Variants in TOX observed in about 807,000 individuals in gnomAD.
The protein encoded by TOX is thymocyte selection-associated high mobility group box protein TOX.
A neutral mutation model predicts 53.7 loss-of-function variants in TOX; 11 were observed. The ratio of observed to expected loss-of-function variants is 0.20; its 90% CI spans 0.13 to 0.34. The LOEUF (loss-of-function observed/expected upper bound fraction) is 0.34. TOX is among the 10% of genes least tolerant of loss of function. The pLI is 1.00. For synonymous variants in TOX, 225 were observed against 245.3 expected (o/e 0.92, Z 0.77); for missense variants, 570 against 664.6 (o/e 0.86, Z 1.56).
chr8:58,891,154 A>T (rs913025849), intron 3 of TOX, among the ~76,000 whole-genome samples: 1 of 152,124 alleles, frequency 6.6e-6, no homozygotes, highest in Non-Finnish European at 1.5e-5. Context: ...TACGTGAGAC[A>T]CTAGCGATCT....
intron 1 of TOX, among the ~76,000 whole-genome samples, chr8:59,027,595 T>C (rs1814269322): frequency 1.3e-5 from 2 of 152,186 alleles, no homozygotes; most frequent in Admixed American, 6.6e-5. Context: ...TACAGATTTA[T>C]ATCTTTTCAT....
At chr8:59,030,681 C>G (rs892432787) in intron 1 of TOX, among the ~76,000 whole-genome samples, 1 of 152,078 alleles carries the variant, frequency 6.6e-6, no homozygotes, top group African/African-American at 2.4e-5. Context: ...GCTACTGGCT[C>G]CCGAGGTCAT....
At chr8:58,966,960 T>C (rs903366585) in intron 1 of TOX, among the ~76,000 whole-genome samples, 8 of 151,492 alleles carry the variant, frequency 5.3e-5, no homozygotes, top group Non-Finnish European at 1.0e-4. Flanking sequence ...CTGCAAGCTC[T>C]GCCTCCCGGG....
chr8:58,873,958 C>CCTTTTTTTTTTTTTT (rs1811239401), intron 3 of TOX, among the ~76,000 whole-genome samples: 1 of 40,128 alleles, frequency 2.5e-5, no homozygotes, highest in African/African-American at 1.7e-4. Context: ...TGCCAGGAAG[C>CCTTTTTTTTTTTTTT]TTTTTTTTTT....
chr8:58,938,005 T>C (rs879386435), intron 3 of TOX, among the ~76,000 whole-genome samples: 1 of 152,170 alleles, frequency 6.6e-6, no homozygotes, highest in Non-Finnish European at 1.5e-5. Context: ...TTAATACTCA[T>C]AAGCTAAATC....
Position 59,108,683 on chromosome 8 carries a change from CACAT to C in TOX, c.102+10199_102+10202del, listed in dbSNP as rs879261734. On this transcript the variant is annotated intron_variant, in intron 1 of 8. Transcript: ENST00000361421. ...ACACACACACACACACACACACACA[CACAT>C]ACACACACAAGGTTATCAAAAGAGT... 6.1e-3 allele frequency among the ~76,000 whole-genome samples: 893 copies of C among 145,896 alleles called. 13 individuals carry two copies. The highest frequency in any genetic ancestry group is 0.02 in the African/African-American group (776 of 38,838).
chr8:58,945,217 G>A (rs1010406748), intron 2 of TOX, among the ~76,000 whole-genome samples: 20 of 152,202 alleles, frequency 1.3e-4, no homozygotes, highest in African/African-American at 4.6e-4. Flanking sequence ...GAACCAGAAT[G>A]TCACTGTCTA....
At chr8:58,991,248 T>A (rs1194489498) in intron 1 of TOX, among the ~76,000 whole-genome samples, 4 of 152,296 alleles carry the variant, frequency 2.6e-5, no homozygotes, top group Non-Finnish European at 5.9e-5. Flanking sequence ...CAAATTATCC[T>A]ATTTAGTGAA....
At chr8:58,855,266 C>T (rs937692601) in intron 3 of TOX, among the ~76,000 whole-genome samples, 1 of 152,128 alleles carries the variant, frequency 6.6e-6, no homozygotes, top group African/African-American at 2.4e-5. Flanking sequence ...ATGTTCTCAA[C>T]TAAAATGTAC....
intron 1 of TOX, among the ~76,000 whole-genome samples, chr8:59,024,415 A>G (rs1244682959): frequency 6.6e-6 from 1 of 152,252 alleles, no homozygotes; most frequent in South Asian, 2.1e-4. Flanking sequence ...ATAATTTTCC[A>G]TAAAAGAAGA....
chr8:59,018,874 T>A (rs961369246), intron 1 of TOX, among the ~76,000 whole-genome samples: 1 of 152,172 alleles, frequency 6.6e-6, no homozygotes, highest in African/African-American at 2.4e-5. Context: ...ACAGAATAAT[T>A]GTAATTTTTA....
intron 5 of TOX, among the ~76,000 whole-genome samples, chr8:58,837,549 C>A (rs569640105): frequency 5.3e-5 from 8 of 152,270 alleles, no homozygotes; most frequent in South Asian, 2.1e-4. Context: ...AAGGAAAAAA[C>A]CAGGCATCTG....
rs748388388 is a variant in TOX at position 58,815,727 on chromosome 8, G to A, written c.1006-3C>T. 1 of 1,599,934 alleles carries A rather than the reference G, an allele frequency of 6.3e-7. No homozygotes were observed. The highest frequency in any genetic ancestry group is 1.7e-5 in the Admixed American group (1 of 58,606). On this transcript the variant is annotated splice_region_variant and splice_polypyrimidine_tract_variant and intron_variant, in intron 6 of 8. Transcript: ENST00000361421. ...ACGTCAACAGGTTCACTGTAGCTCT[G>A]TTGAGGAAATAAATGAGCAGAGTTG...
intron 1 of TOX, among the ~76,000 whole-genome samples, chr8:59,116,353 A>C (rs2129425283): frequency 6.6e-6 from 1 of 152,346 alleles, no homozygotes; most frequent in Non-Finnish European, 1.5e-5. Flanking sequence ...GTCTGATCCA[A>C]CTTGTTTTAA....
At chr8:58,844,732 G>A (rs1035178061) in intron 4 of TOX, among the ~76,000 whole-genome samples, 3 of 151,982 alleles carry the variant, frequency 2.0e-5, no homozygotes, top group Admixed American at 6.6e-5. Context: ...CCTAAATGTC[G>A]CCCTGATTAC....
chr8:58,833,608 G>A (rs139999289), intron 5 of TOX, among the ~76,000 whole-genome samples: 1 of 152,300 alleles, frequency 6.6e-6, no homozygotes, highest in African/African-American at 2.4e-5. Flanking sequence ...GCAGGTTCCA[G>A]TCCGTGAAAG....
intron 1 of TOX, among the ~76,000 whole-genome samples, chr8:59,025,174 C>A (rs972427379): frequency 6.6e-6 from 1 of 152,134 alleles, no homozygotes; most frequent in African/African-American, 2.4e-5. Flanking sequence ...TACGCATCTG[C>A]AAGATTGATA....
At chr8:58,941,780 CG>C (rs1236468095) in intron 2 of TOX, among the ~76,000 whole-genome samples, 3 of 152,006 alleles carry the variant, frequency 2.0e-5, no homozygotes, top group Non-Finnish European at 4.4e-5. Context: ...TGGCGGGGCG[CG>C]GTGGCTCATA....
At chr8:58,938,840 A>C (rs564377969) in intron 3 of TOX, among the ~76,000 whole-genome samples, 3 of 152,320 alleles carry the variant, frequency 2.0e-5, no homozygotes, top group Admixed American at 6.5e-5. Context: ...AAAACTGAAA[A>C]ATTTTTTCTT....
Sources: allele counts gnomAD v4.1 joint callset (sites outside exome capture counted in the v4.1 genomes callset), GRCh38; gene constraint gnomAD v4.1.1; transcripts MANE v1.5; gene names NCBI Gene and HGNC (gene_info 2026-07-23, HGNC 2026-07-21).